ACAD9: variants seen among roughly 807,000 people sequenced by gnomAD.
The protein encoded by ACAD9 is complex I assembly factor ACAD9, mitochondrial.
Under a neutral mutation model 70.2 loss-of-function variants are expected in ACAD9, and 53 were observed. That is an observed-to-expected ratio of 0.75 (90% CI 0.61 to 0.95). ACAD9 has a LOEUF of 0.95. ACAD9 is among the 40% of genes least tolerant of loss of function. ACAD9 has a pLI of 0.00. For synonymous variants in ACAD9, 313 were observed against 312.1 expected (o/e 1.00, Z -0.03); for missense variants, 777 against 802.8 (o/e 0.97, Z 0.39).
rs776023607 is a variant in ACAD9, at chr3:128,899,309, T to G, written c.656T>G (p.Leu219Arg). ...CAGGTCTGGATTACTAATGGAGGAC[T>G]GGCCAATATTTTTACTGTGTTTGCA... is the stretch of plus-strand genomic sequence containing the variant. ...GSKVWITNGGLANIFTVFAKT... is the reference protein window; with the variant it reads ...GSKVWITNGGRANIFTVFAKT... Residue 219 changes from leucine to arginine, a missense_variant, in exon 7 of 18, where the codon CTG becomes CGG. Coordinates refer to ENST00000308982, the MANE Select transcript of ACAD9 (RefSeq NM_014049.5). 8.1e-6 allele frequency: 13 copies of G among 1,614,258 alleles called. No homozygotes were observed. Among genetic ancestry groups the G allele is most frequent in the Non-Finnish European group, 1.7e-6 (2 of 1,180,034 alleles).
rs1325388261 is a variant in ACAD9, at chr3:128,912,797, T to C, written c.*190T>C. On this transcript the variant is annotated 3_prime_UTR_variant, in exon 18 of 18. Transcript: ENST00000308982. ...GTTTTGACCTGCAGGCAGTGCTCTC[T>C]AACAGGACCATCACAGCTTCTGAAC... 4.1e-6 allele frequency: 3 copies of C among 732,886 alleles called. No individual in the cohort carries two copies. The highest frequency in any genetic ancestry group is 7.5e-6 in the Non-Finnish European group (3 of 398,164). The allele number at this position is 732,886 out of a possible 1,614,324, so 45.4% of individuals were successfully genotyped here. A position where few individuals can be genotyped will look rare whatever the true frequency, so the allele number is the denominator to read the frequency against.
intron 3 of ACAD9, among the ~76,000 whole-genome samples, chr3:128,894,913 G>C (rs951647418): frequency 8.2e-6 from 1 of 122,600 alleles, no homozygotes; most frequent in Non-Finnish European, 1.6e-5. Context: ...GTCTCTCTCT[G>C]TTGCCCAAGC....
intron 2 of ACAD9, among the ~76,000 whole-genome samples, chr3:128,891,199 G>A (rs1028870490): frequency 6.6e-6 from 1 of 152,072 alleles, no homozygotes; most frequent in Non-Finnish European, 1.5e-5. Flanking sequence ...CTGATTCCAG[G>A]GCTCTTCATT....
At chr3:128,909,135 T>C in intron 14 of ACAD9, 36 bp downstream of exon 14, 4 of 1,613,140 alleles carry the variant, frequency 2.5e-6, no homozygotes, top group Non-Finnish European at 3.4e-6. Flanking sequence ...CCTATTTCAA[T>C]GCCCTCCTGC....
At chr3:128,904,827 C>G (rs574765694) in intron 11 of ACAD9, among the ~76,000 whole-genome samples, 1 of 152,254 alleles carries the variant, frequency 6.6e-6, no homozygotes, top group South Asian at 2.1e-4. Context: ...TTCCTACTTT[C>G]TGGTATCAAA....
At chr3:128,899,011 G>A (rs774956152) in intron 6 of ACAD9, among the ~76,000 whole-genome samples, 3 of 152,156 alleles carry the variant, frequency 2.0e-5, no homozygotes, top group Admixed American at 1.3e-4. Flanking sequence ...GTTGTCTGGC[G>A]GTGGAGCCTG....
chr3:128,900,377 A>G (rs187329057), intron 7 of ACAD9, among the ~76,000 whole-genome samples: 50 of 152,242 alleles, frequency 3.3e-4, no homozygotes, highest in Admixed American at 2.1e-3. Context: ...AGCTGGGACT[A>G]CAGCTGCCTG....
At chr3:128,909,284 GAGAC>G in intron 14 of ACAD9, 56 bp from the exon 15 acceptor site, 2 of 1,604,858 alleles carry the variant, frequency 1.2e-6, no homozygotes, top group Non-Finnish European at 1.7e-6. Flanking sequence ...CCCGGGCTGT[GAGAC>G]AGGACAGGGC....
chr3:128,894,447 A>G (rs1935508226), intron 3 of ACAD9, among the ~76,000 whole-genome samples: 1 of 150,752 alleles, frequency 6.6e-6, no homozygotes, highest in Non-Finnish European at 1.5e-5. Flanking sequence ...TTTAAAGTAT[A>G]TATCTACATA....
chr3:128,906,341 G>A, intron 12 of ACAD9, 92 bp downstream of exon 12: 10 of 1,582,188 alleles, frequency 6.3e-6, no homozygotes, highest in Admixed American at 1.7e-5. Context: ...GGCCCCCGCA[G>A]CCCAGGGCTG....
chr3:128,879,770 C>A lies in ACAD9; in HGVS notation c.79C>A (p.Arg27=), dbSNP rs201209930. The part of the protein sequence containing the change: ...CRGLVVSTAN[R]RLLRTSPPVR... ...GGGTCTGGTGGTCTCTACCGCGAAC[C>A]GGCGGCTACTGCGCACCAGCCCGCC... Residue 27 remains arginine (R), a synonymous_variant, in exon 1 of 18, where the codon CGG becomes AGG. Coordinates refer to ENST00000308982, the MANE Select transcript of ACAD9 (RefSeq NM_014049.5). 3 of 1,613,556 alleles carry A rather than the reference C, an allele frequency of 1.9e-6. No homozygotes were observed. The highest frequency in any genetic ancestry group is 2.5e-6 in the Non-Finnish European group (3 of 1,180,020).
intron 1 of ACAD9, among the ~76,000 whole-genome samples, chr3:128,880,336 CAGTT>C (rs1935051862): frequency 6.6e-6 from 1 of 152,230 alleles, no homozygotes; most frequent in South Asian, 2.1e-4. Flanking sequence ...CCAATAGTAA[CAGTT>C]TGGTTATAAA....
intron 2 of ACAD9, among the ~76,000 whole-genome samples, chr3:128,889,585 A>G (rs1042829302): frequency 6.6e-6 from 1 of 152,048 alleles, no homozygotes; most frequent in Admixed American, 6.5e-5. Flanking sequence ...CTCACTATAG[A>G]TTAGTTCGTA....
At chr3:128,905,288 G>A (rs1186033087) in intron 11 of ACAD9, among the ~76,000 whole-genome samples, 1 of 152,204 alleles carries the variant, frequency 6.6e-6, no homozygotes, top group Admixed American at 6.5e-5. Flanking sequence ...GGTGGGAAGA[G>A]CATCTTATTT....
chr3:128,906,751 G>A (rs1234852083), intron 12 of ACAD9, among the ~76,000 whole-genome samples: 2 of 152,174 alleles, frequency 1.3e-5, no homozygotes, highest in African/African-American at 4.8e-5. Flanking sequence ...AGAGTGAAGG[G>A]CTTTCTGGGA....
At chr3:128,886,747 AAAG>A (rs1935262201) in intron 2 of ACAD9, among the ~76,000 whole-genome samples, 1 of 151,962 alleles carries the variant, frequency 6.6e-6, no homozygotes, top group African/African-American at 2.4e-5. Context: ...AAAAAAAAAA[AAAG>A]AAAAAAATTG....
chr3:128,896,397 TC>T, intron 4 of ACAD9, 38 bp from the exon 5 acceptor site: 1 of 1,585,872 alleles, frequency 6.3e-7, no homozygotes, highest in South Asian at 1.1e-5. Flanking sequence ...CTCTCCTTTC[TC>T]CCCACAGCTG....
At chr3:128,904,264 G>C in intron 10 of ACAD9, 122 bp from the exon 11 acceptor site, 1 of 1,588,606 alleles carries the variant, frequency 6.3e-7, no homozygotes, top group African/African-American at 1.3e-5. Flanking sequence ...ATTTGACACG[G>C]GTCACTGGGC....
At chr3:128,899,875 G>A (rs1935685993) in intron 7 of ACAD9, among the ~76,000 whole-genome samples, 1 of 152,124 alleles carries the variant, frequency 6.6e-6, no homozygotes, top group Admixed American at 6.5e-5. Context: ...GGTCCATCTG[G>A]AGGCTTGTTC....
Sources: allele counts gnomAD v4.1 joint callset (sites outside exome capture counted in the v4.1 genomes callset), GRCh38; gene constraint gnomAD v4.1.1; transcripts MANE v1.5; gene names NCBI Gene and HGNC (gene_info 2026-07-23, HGNC 2026-07-21).